PLCH1: variants seen among roughly 807,000 people sequenced by gnomAD.
PLCH1 encodes the protein 1-phosphatidylinositol 4,5-bisphosphate phosphodiesterase eta-1.
Under a neutral mutation model 126.7 loss-of-function variants are expected in PLCH1, and 60 were observed. The ratio of observed to expected loss-of-function variants is 0.47; its 90% CI spans 0.38 to 0.59. The LOEUF is 0.59. PLCH1 is among the 20% of genes least tolerant of loss of function. The pLI is 0.00. For missense variants in PLCH1, 1,723 were observed against 2,040.0 expected, an observed-to-expected ratio of 0.84 and a Z score of 2.99; for synonymous variants, 719 against 734.9, an observed-to-expected ratio of 0.98 and a Z score of 0.35.
At chr3:155,587,687 G>T (rs1186265664) in intron 4 of PLCH1, among the ~76,000 whole-genome samples, 1 of 152,216 alleles carries the variant, frequency 6.6e-6, no homozygotes, top group Non-Finnish European at 1.5e-5. Flanking sequence ...GATACAAAAG[G>T]TTTACATCAT....
Position 155,592,495 on chromosome 3 carries a change from C to CGTCTCCAAA in PLCH1, c.470+1445_470+1446insTTTGGAGAC, listed in dbSNP as rs758599634. On this transcript the variant is annotated intron_variant, in intron 4 of 22. Coordinates refer to ENST00000460012, the MANE Select transcript of PLCH1 (RefSeq NM_014996.4). ...GGACGACAGAGCAAGACTCCATCTC[C>CGTCTCCAAA]AAAAAAAAAAAAAAAATTGTGAGAA... 1.2e-3 allele frequency among the ~76,000 whole-genome samples: 169 copies of CGTCTCCAAA among 135,870 alleles called. 7 individuals are homozygous for CGTCTCCAAA. Among genetic ancestry groups the CGTCTCCAAA allele is most frequent in the Middle Eastern group, 7.4e-3 (2 of 270 alleles). 89.1% of individuals were successfully genotyped at this position (135,870 alleles called of 152,430 possible).
intron 6 of PLCH1, among the ~76,000 whole-genome samples, chr3:155,571,561 C>A (rs1312120803): frequency 6.6e-6 from 1 of 152,150 alleles, no homozygotes; most frequent in Non-Finnish European, 1.5e-5. Context: ...CCACCATGCC[C>A]TGCTCATTTT....
chr3:155,730,973 C>G (rs566761284), intron 1 of PLCH1, among the ~76,000 whole-genome samples: 1 of 152,210 alleles, frequency 6.6e-6, no homozygotes, highest in Non-Finnish European at 1.5e-5. Flanking sequence ...GACTCCAGAC[C>G]GGTAACCATG....
intron 2 of PLCH1, among the ~76,000 whole-genome samples, chr3:155,656,548 A>G (rs1460092336): frequency 1.3e-5 from 2 of 152,218 alleles, no homozygotes; most frequent in African/African-American, 4.8e-5. Flanking sequence ...AAGAAAAATC[A>G]TATGATTATC....
intron 2 of PLCH1, among the ~76,000 whole-genome samples, chr3:155,624,225 A>G (rs1736936935): frequency 6.6e-6 from 1 of 152,216 alleles, no homozygotes; most frequent in South Asian, 2.1e-4. Flanking sequence ...AACTCTCAAT[A>G]AACTAGGTAT....
chr3:155,683,629 T>A (rs948218843), intron 2 of PLCH1, among the ~76,000 whole-genome samples: 22 of 152,206 alleles, frequency 1.4e-4, no homozygotes, highest in Non-Finnish European at 2.6e-4. Flanking sequence ...TAAATCAGCA[T>A]CAGCTATTTG....
chr3:155,700,234 C>T (rs1380764339), intron 2 of PLCH1, among the ~76,000 whole-genome samples: 1 of 152,178 alleles, frequency 6.6e-6, no homozygotes, highest in East Asian at 1.9e-4. Context: ...ACCCTCACAT[C>T]ACCAACTAGG....
intron 2 of PLCH1, among the ~76,000 whole-genome samples, chr3:155,665,760 A>G (rs2108960033): frequency 6.6e-6 from 1 of 152,348 alleles, no homozygotes; most frequent in South Asian, 2.1e-4. Context: ...CCAATTATAA[A>G]TGTAATATAT....
intron 2 of PLCH1, among the ~76,000 whole-genome samples, chr3:155,626,378 G>A (rs1269391696): frequency 6.6e-6 from 1 of 152,040 alleles, no homozygotes; most frequent in Admixed American, 6.6e-5. Flanking sequence ...AAACACATAA[G>A]TACTGCCATA....
chr3:155,505,858 A>T (rs1037076337), intron 12 of PLCH1, among the ~76,000 whole-genome samples: 1 of 151,350 alleles, frequency 6.6e-6, no homozygotes, highest in Non-Finnish European at 1.5e-5. Flanking sequence ...ACAAGTAGCT[A>T]CATTTCCTTT....
chr3:155,545,790 C>A (rs1725174549), intron 10 of PLCH1, among the ~76,000 whole-genome samples: 1 of 151,990 alleles, frequency 6.6e-6, no homozygotes, highest in African/African-American at 2.4e-5. Flanking sequence ...ACAAAAACCA[C>A]ATGATTATCT....
At chr3:155,618,223 G>T (rs1471490167) in intron 2 of PLCH1, among the ~76,000 whole-genome samples, 1 of 151,838 alleles carries the variant, frequency 6.6e-6, no homozygotes, top group Non-Finnish European at 1.5e-5. Context: ...CGTTTTTGAG[G>T]TTTTTTTTAA....
At chr3:155,602,387 G>C (rs1733851772) in intron 2 of PLCH1, among the ~76,000 whole-genome samples, 1 of 152,140 alleles carries the variant, frequency 6.6e-6, no homozygotes, top group Admixed American at 6.5e-5. Context: ...ATAAGAAAGG[G>C]AATGACACTA....
chr3:155,519,251 G>T (rs1018646823), intron 11 of PLCH1, among the ~76,000 whole-genome samples: 1 of 152,168 alleles, frequency 6.6e-6, no homozygotes, highest in African/African-American at 2.4e-5. Context: ...TATGTATCTT[G>T]CTCTTTTGTT....
intron 8 of PLCH1, among the ~76,000 whole-genome samples, chr3:155,564,572 T>TA (rs1207160369): frequency 2.6e-5 from 4 of 151,646 alleles, no homozygotes; most frequent in African/African-American, 9.7e-5. Context: ...TCAAAAAAAA[T>TA]AAAAAATTAA....
At chr3:155,468,754 G>A (rs1007874943) in intron 21 of PLCH1, among the ~76,000 whole-genome samples, 4 of 152,014 alleles carry the variant, frequency 2.6e-5, no homozygotes, top group Non-Finnish European at 4.4e-5. Flanking sequence ...TAACAAAGGA[G>A]CACCCAGATA....
intron 11 of PLCH1, among the ~76,000 whole-genome samples, chr3:155,517,544 A>G (rs1427775762): frequency 1.3e-5 from 2 of 151,862 alleles, no homozygotes; most frequent in Non-Finnish European, 2.9e-5. Context: ...CATCACTCCA[A>G]TTTCTGTCTC....
chr3:155,741,702 T>TG (rs1553767332), intron 1 of PLCH1, among the ~76,000 whole-genome samples: 2 of 148,384 alleles, frequency 1.3e-5, no homozygotes, highest in African/African-American at 5.1e-5. Context: ...TTTTTTTTTT[T>TG]TTGTTCAGGG....
chr3:155,506,175 G>C (rs1281470681), intron 12 of PLCH1, among the ~76,000 whole-genome samples: 1 of 152,004 alleles, frequency 6.6e-6, no homozygotes, highest in African/African-American at 2.4e-5. Flanking sequence ...CTGGGAATAA[G>C]TATAATTAAA....
Sources: allele counts gnomAD v4.1 joint callset (sites outside exome capture counted in the v4.1 genomes callset), GRCh38; gene constraint gnomAD v4.1.1; transcripts MANE v1.5; gene names NCBI Gene and HGNC (gene_info 2026-07-23, HGNC 2026-07-21).